The following ZNF469 variants were observed in gnomAD, a reference collection of about 807,000 sequenced individuals.
ZNF469 encodes zinc finger protein 469.
A neutral mutation model predicts 1.0 loss-of-function variants in ZNF469; 1 was observed. That is an observed-to-expected ratio of 1.00 (90% CI 0.35 to 4.73). The LOEUF is 4.73. Among genes scored for constraint, ZNF469 ranks in the 30% most tolerant of loss-of-function variants. The pLI is 0.16. For missense variants in ZNF469, 6,100 were observed against 5,356.3 expected, an observed-to-expected ratio of 1.14 and a Z score of -4.33; for synonymous variants, 2,703 against 2,363.4, an observed-to-expected ratio of 1.14 and a Z score of -4.17.
rs1159147209 is a variant in ZNF469 at position 88,431,431 on chromosome 16, G to C, written c.3961G>C (p.Ala1321Pro). 1.3e-6 allele frequency: 2 copies of C among 1,550,240 alleles called. No individual in the cohort carries two copies. Among genetic ancestry groups the C allele is most frequent in the Admixed American group, 3.9e-5 (2 of 50,992 alleles). Residue 1321 changes from alanine to proline, a missense_variant, in exon 3 of 3, where the codon GCC (alanine) becomes CCC (proline). Coordinates refer to ENST00000565624, the MANE Select transcript of ZNF469 (RefSeq NM_001367624.2). ...PVSHNSKDPP[A>P]RQPGEFLAPV... The stretch of plus-strand genomic sequence containing the variant: ...CTCCCACAACAGCAAGGACCCCCCT[G>C]CCCGCCAGCCTGGAGAATTTCTGGC...
chr16:88,279,383 T>G, the ZNF469 span, among the ~76,000 whole-genome samples: 22 of 151,294 alleles, frequency 1.5e-4, 1 homozygote, highest in African/African-American at 5.4e-4. Flanking sequence ...GTCAGTACCT[T>G]GTAGATATCA....
At position 88,428,437 on chromosome 16, in the gene ZNF469, G is replaced by T; in HGVS notation, c.967G>T (p.Ala323Ser). The stretch of plus-strand genomic sequence containing the variant: ...GGAGGAGGCCGTGGGCACGGGCCCT[G>T]CCTACCCGCTGCCCACCCAGCCTGC... ...WPEEAVGTGP[A>S]YPLPTQPAPS... is the part of the protein sequence containing the mutation. Residue 323 changes from alanine to serine, a missense_variant, in exon 3 of 3, where the codon GCC becomes TCC. By Grantham distance (99) the Ala-to-Ser change is moderately conservative. Transcript: ENST00000565624. 6.5e-7 allele frequency: 1 copy of T among 1,548,120 alleles called. No individual in the cohort carries two copies. Among genetic ancestry groups the T allele is most frequent in the Non-Finnish European group, 8.7e-7 (1 of 1,146,744 alleles).
At chr16:88,382,639 T>C (rs1032663380), upstream of ZNF469, among the ~76,000 whole-genome samples, 1 of 152,130 alleles carries the variant, frequency 6.6e-6, no homozygotes, top group Non-Finnish European at 1.5e-5. Context: ...GTGTCATGTG[T>C]GGGCACCTGG....
At chr16:88,164,705 G>GC in the ZNF469 span, among the ~76,000 whole-genome samples, 3 of 152,196 alleles carry the variant, frequency 2.0e-5, no homozygotes, top group African/African-American at 7.2e-5. Flanking sequence ...GGATCACAGG[G>GC]CTGGCCATCA....
chr16:88,429,589 C>G lies in ZNF469; in HGVS notation c.2119C>G (p.Arg707Gly), dbSNP rs188954563. The change falls in exon 3 of 3, where the codon CGT (arginine) becomes GGT (glycine). Residue 707 changes from arginine to glycine, a missense_variant. Transcript: ENST00000565624. ...VGRGGLQGFPRAPPPYPTHHF... is the reference protein window; with the variant it reads ...VGRGGLQGFPGAPPPYPTHHF... The stretch of plus-strand genomic sequence containing the variant: ...TCGGGGAGGGCTGCAGGGCTTCCCC[C>G]GTGCGCCGCCTCCGTACCCCACACA... The G allele has an allele frequency of 6.5e-7, 1 of 1,549,620 alleles. No individual in the cohort carries two copies. Among genetic ancestry groups the G allele is most frequent in the Non-Finnish European group, 8.7e-7 (1 of 1,146,622 alleles).
chr16:88,229,600 C>A, the ZNF469 span, among the ~76,000 whole-genome samples: 1,513 of 62,962 alleles, frequency 0.024, 26 homozygotes, highest in African/African-American at 0.045. Context: ...GTGTGGATGT[C>A]ACGCGTGTGT....
At chr16:88,132,886 C>T in the ZNF469 span, among the ~76,000 whole-genome samples, 45 of 152,216 alleles carry the variant, frequency 3.0e-4, no homozygotes, top group African/African-American at 9.9e-4. Context: ...GAGGGCCCTG[C>T]ACAGAGCAGC....
chr16:88,381,144 A>ACG (rs1328494846), upstream of ZNF469, among the ~76,000 whole-genome samples: 84 of 144,488 alleles, frequency 5.8e-4, 2 homozygotes, highest in African/African-American at 2.0e-3. Context: ...GCACTCACAC[A>ACG]CACACTCACA....
chr16:88,178,819 C>A, the ZNF469 span: 1 of 148,590 alleles, frequency 6.7e-6, no homozygotes, highest in East Asian at 2.0e-4. Context: ...AAACTGCAGT[C>A]TCCTCTTGGC....
the ZNF469 span, among the ~76,000 whole-genome samples, chr16:88,223,954 G>C: frequency 1.3e-5 from 2 of 152,252 alleles, no homozygotes; most frequent in Admixed American, 6.5e-5. Context: ...TGAACGAGCG[G>C]AGGAATGGGG....
At chr16:88,256,875 CTTTT>C in the ZNF469 span, among the ~76,000 whole-genome samples, 3 of 131,072 alleles carry the variant, frequency 2.3e-5, no homozygotes, top group Non-Finnish European at 5.2e-5. Flanking sequence ...TCCTTTCTTT[CTTTT>C]CTTTTCTTTT....
rs1904913179 is a variant in ZNF469 at position 88,402,599 on chromosome 16, T to C, written c.-192+19345T>C. ...ACTTTCCCAGGATGCTGGTTGCAGC[T>C]CAGACCCCTTTGCAGTTGACCTGGG... On this transcript the variant is annotated intron_variant, in intron 1 of 2. Coordinates refer to ENST00000565624, the MANE Select transcript of ZNF469 (RefSeq NM_001367624.2). 2.0e-5 allele frequency among the ~76,000 whole-genome samples: 3 copies of C among 152,128 alleles called. No homozygotes were observed. In the South Asian group the frequency reaches 6.2e-4, roughly 32 times the overall value.
chr16:88,387,010 G>C (rs986242371), intron 1 of ZNF469, among the ~76,000 whole-genome samples: 3 of 152,190 alleles, frequency 2.0e-5, no homozygotes, highest in African/African-American at 7.2e-5. Flanking sequence ...TAGAAGGAAA[G>C]ATGGGCCAGT....
the ZNF469 span, among the ~76,000 whole-genome samples, chr16:88,104,600 T>C: frequency 2.2e-4 from 33 of 152,348 alleles, no homozygotes; most frequent in South Asian, 6.0e-3. Context: ...TTTGGGAGTG[T>C]CTCCCTCGCT....
the ZNF469 span, among the ~76,000 whole-genome samples, chr16:88,153,346 G>C: frequency 3.3e-5 from 5 of 152,330 alleles, no homozygotes; most frequent in East Asian, 9.6e-4. Flanking sequence ...CCCTTCACAT[G>C]TAAAGCAATG....
the ZNF469 span, among the ~76,000 whole-genome samples, chr16:88,318,608 C>A: frequency 6.6e-6 from 1 of 152,264 alleles, no homozygotes; most frequent in South Asian, 2.1e-4. Flanking sequence ...TTCTGTTGCT[C>A]ATGAAGTAAG....
the ZNF469 span, among the ~76,000 whole-genome samples, chr16:88,285,492 T>C: frequency 6.6e-6 from 1 of 152,230 alleles, no homozygotes; most frequent in African/African-American, 2.4e-5. Context: ...ACAGCCAGCG[T>C]GGGCAGGGCC....
the ZNF469 span, among the ~76,000 whole-genome samples, chr16:88,285,376 G>C: frequency 6.6e-6 from 1 of 152,258 alleles, no homozygotes; most frequent in Non-Finnish European, 1.5e-5. Flanking sequence ...GATCAGGCAG[G>C]TGCAGCAGCC....
At chr16:88,196,197 G>A in the ZNF469 span, among the ~76,000 whole-genome samples, 2 of 152,334 alleles carry the variant, frequency 1.3e-5, no homozygotes, top group South Asian at 4.1e-4. Context: ...GTTGCTCTTA[G>A]AAGTGGAGTA....
Sources: allele counts gnomAD v4.1 joint callset (sites outside exome capture counted in the v4.1 genomes callset), GRCh38; gene constraint gnomAD v4.1.1; transcripts MANE v1.5; gene names NCBI Gene and HGNC (gene_info 2026-07-23, HGNC 2026-07-21).